RPTOR: variants seen among roughly 807,000 people sequenced by gnomAD.
RPTOR encodes regulatory-associated protein of mTOR.
A neutral mutation model predicts 169.9 loss-of-function variants in RPTOR; 21 were observed. The ratio of observed to expected loss-of-function variants is 0.12; its 90% confidence interval spans 0.09 to 0.18. The LOEUF is 0.18. Among genes scored for constraint, RPTOR ranks in the 10% least tolerant of loss-of-function variants. The probability of loss-of-function intolerance (pLI) is 1.00; values close to 1 mark genes in which losing one functional copy is unlikely to be tolerated. For missense variants in RPTOR, 1,133 were observed against 1,855.9 expected (o/e 0.61, Z 7.16); for synonymous variants, 732 against 753.2 (o/e 0.97, Z 0.46).
In RPTOR at chr17:80,964,659, T is replaced by A; in HGVS notation, c.*329T>A. 2.5e-6 allele frequency: 1 copy of A among 394,900 alleles called. No homozygotes were observed. The highest frequency in any genetic ancestry group is 4.7e-6 in the Non-Finnish European group (1 of 213,050). 24.5% of individuals were successfully genotyped at this position (394,900 alleles called of 1,614,324 possible). ...CTGAAAGGGGAAACACCTCACTTTA[T>A]TTCCATGTAATCAGAGCATTAGCTG... On this transcript the variant is annotated 3_prime_UTR_variant, in exon 34 of 34. Transcript: ENST00000306801.
chr17:80,713,981 C>T (rs1225965274), intron 4 of RPTOR, among the ~76,000 whole-genome samples: 5 of 152,106 alleles, frequency 3.3e-5, no homozygotes, highest in African/African-American at 9.7e-5. Context: ...TTTGGTTGCC[C>T]AGGCTGGAGT....
At chr17:80,687,144 A>G (rs897194300) in intron 3 of RPTOR, among the ~76,000 whole-genome samples, 3 of 152,216 alleles carry the variant, frequency 2.0e-5, no homozygotes, top group Non-Finnish European at 2.9e-5. Flanking sequence ...CAGCGCCTAC[A>G]CTGCAGGCCT....
chr17:80,785,650 T>A (rs924322261), intron 6 of RPTOR, among the ~76,000 whole-genome samples: 4 of 152,178 alleles, frequency 2.6e-5, no homozygotes, highest in Non-Finnish European at 5.9e-5. Flanking sequence ...ACTACATTGC[T>A]GGAGGAATGT....
At chr17:80,637,845 G>A (rs530384884) in intron 2 of RPTOR, among the ~76,000 whole-genome samples, 112 of 152,366 alleles carry the variant, frequency 7.4e-4, no homozygotes, top group Non-Finnish European at 1.4e-3. Flanking sequence ...AAGAGACCTT[G>A]GGTAGATGAG....
chr17:80,576,602 A>G (rs546562337), intron 1 of RPTOR, among the ~76,000 whole-genome samples: 7 of 152,290 alleles, frequency 4.6e-5, no homozygotes, highest in Admixed American at 2.0e-4. Context: ...GAACTTTCCT[A>G]TGGGGCCACC....
rs774186171 is a variant in RPTOR, at chr17:80,960,147, G to A, written c.3547G>A (p.Ala1183Thr). The A allele has an allele frequency of 6.2e-7, 1 of 1,613,658 alleles. No individual in the cohort carries two copies. The highest frequency in any genetic ancestry group is 8.5e-7 in the Non-Finnish European group (1 of 1,180,014). ...TGATTCCCACCGCTCACTCATCGTG[G>A]CTGGCCTCGGTGACGGCTCCATCCG... ...SCDSHRSLIV[A>T]GLGDGSIRVY... Residue 1183 changes from alanine (A) to threonine (T), a missense_variant, in exon 30 of 34, where the codon GCT (alanine) becomes ACT (threonine). This residue lies in a region of RPTOR where 410 missense variants were observed against 623.7 expected (regional missense o/e 0.66). Transcript: ENST00000306801. The surrounding 1 kb of genome is among the most constrained non-coding windows in gnomAD (Gnocchi z 4.8).
intron 5 of RPTOR, among the ~76,000 whole-genome samples, chr17:80,732,025 T>TTTGTATCATCAGATTTTTCCC (rs2066397241): frequency 6.6e-6 from 1 of 152,206 alleles, no homozygotes; most frequent in Non-Finnish European, 1.5e-5. Context: ...AAGATCAAGG[T>TTTGTATCATCAGATTTTTCCC]TTGTATCATC....
intron 6 of RPTOR, among the ~76,000 whole-genome samples, chr17:80,780,100 G>A (rs777713701): frequency 6.6e-6 from 1 of 152,132 alleles, no homozygotes; most frequent in East Asian, 1.9e-4. Flanking sequence ...TGTTCTCATC[G>A]TGTCCATCTG....
At chr17:80,774,579 A>G (rs1234436373) in intron 6 of RPTOR, among the ~76,000 whole-genome samples, 1 of 152,100 alleles carries the variant, frequency 6.6e-6, no homozygotes, top group African/African-American at 2.4e-5. Context: ...TCACTATTCC[A>G]TGCTGCCTGC....
At position 80,807,474 on chromosome 17, in the gene RPTOR, C is replaced by G. The variant is rs148546771; in HGVS notation, c.891-14727C>G. On this transcript the variant is annotated intron_variant, in intron 7 of 33. Coordinates refer to ENST00000306801, the MANE Select transcript of RPTOR (RefSeq NM_020761.3). ...CAAGTGATTCTCCTGCGTCAGACTT[C>G]CAAGTAGCTGGGATTACAGGCACAC... is the stretch of plus-strand genomic sequence containing the variant. Among the ~76,000 whole-genome samples the G allele has an allele frequency of 4.3e-4, 65 of 152,274 alleles. No individual in the cohort carries two copies. In the East Asian group the frequency reaches 7.0e-3, roughly 16 times the overall value.
intron 3 of RPTOR, among the ~76,000 whole-genome samples, chr17:80,700,457 GTGGTGGTGGTGGTGGTGGTGATGA>G (rs1567864247): frequency 1.6e-5 from 1 of 64,278 alleles, no homozygotes; most frequent in Admixed American, 1.2e-4. Context: ...GGTGGTGATG[GTGGTGGTGGTGGTGGTGGTGATGA>G]TGGTGGTGGT....
intron 1 of RPTOR, among the ~76,000 whole-genome samples, chr17:80,591,242 C>T (rs184195122): frequency 4.1e-5 from 2 of 48,202 alleles, no homozygotes; most frequent in African/African-American, 6.9e-5. Flanking sequence ...CTCTCCTCCC[C>T]TCTCCTCCCC....
intron 10 of RPTOR, among the ~76,000 whole-genome samples, chr17:80,839,779 A>C (rs1366869029): frequency 4.6e-5 from 7 of 152,232 alleles, no homozygotes; most frequent in Non-Finnish European, 1.0e-4. Context: ...AAGAGATCAG[A>C]ATAATCTGCT....
At chr17:80,704,668 C>A (rs1316470240) in intron 3 of RPTOR, among the ~76,000 whole-genome samples, 1 of 152,184 alleles carries the variant, frequency 6.6e-6, no homozygotes, top group African/African-American at 2.4e-5. Context: ...ATTGTAATTA[C>A]TGTCAGTAAA....
At chr17:80,887,180 CGCGCAGACTCCGGAGGT>C (rs1280129805) in intron 17 of RPTOR, among the ~76,000 whole-genome samples, 1 of 151,366 alleles carries the variant, frequency 6.6e-6, no homozygotes, top group Non-Finnish European at 1.5e-5. Context: ...GCTGCACTGG[CGCGCAGACTCCGGAGGT>C]GCGCTGGCTC....
intron 4 of RPTOR, among the ~76,000 whole-genome samples, chr17:80,722,623 G>T (rs1224326604): frequency 2.0e-5 from 3 of 151,128 alleles, no homozygotes; most frequent in Non-Finnish European, 4.4e-5. Context: ...GTAATTTCTG[G>T]AGAGCAGTTA....
At chr17:80,802,601 AAAAAGAAAAGG>A (rs1295888310) in intron 7 of RPTOR, 1 of 152,564 alleles carries the variant, frequency 6.6e-6, no homozygotes, top group Non-Finnish European at 1.5e-5. Context: ...TCAAAAAAAA[AAAAAGAAAAGG>A]AAAAGAAAAT....
Position 80,714,366 on chromosome 17 carries a change from T to A in RPTOR, c.507+6367T>A, listed in dbSNP as rs141193400. On this transcript the variant is annotated intron_variant, in intron 4 of 33. Coordinates refer to ENST00000306801, the MANE Select transcript of RPTOR (RefSeq NM_020761.3). ...ATCAATCACCCCGACTTAATTAACATTTATACAGCCGTCCACACAACTGTA... is the reference window on the plus strand; with the variant it reads ...ATCAATCACCCCGACTTAATTAACAATTATACAGCCGTCCACACAACTGTA... Among the ~76,000 whole-genome samples, 133 of 152,326 alleles carry A rather than the reference T, an allele frequency of 8.7e-4. 1 individual carries two copies. Among genetic ancestry groups the A allele is most frequent in the African/African-American group, 3.0e-3 (123 of 41,586 alleles).
At chr17:80,569,386 G>A (rs894143394) in intron 1 of RPTOR, among the ~76,000 whole-genome samples, 10 of 152,060 alleles carry the variant, frequency 6.6e-5, no homozygotes, top group African/African-American at 2.2e-4. Context: ...TAGGCCGGGC[G>A]TGGTGGCTCA....
Sources: gnomAD v4.1 joint callset for allele counts (sites outside exome capture counted in the v4.1 genomes callset) on GRCh38, gnomAD v4.1.1 for gene constraint, gnomAD v4.1.1 regional missense constraint, Gnocchi (gnomAD v3.1) non-coding constraint, MANE v1.5 for transcripts, NCBI Gene and HGNC (gene_info 2026-07-23, HGNC 2026-07-21) for gene names.